Variants in SYNPO2L observed in about 807,000 individuals in gnomAD.
SYNPO2L encodes the protein synaptopodin 2-like protein.
A neutral mutation model predicts 47.5 loss-of-function variants in SYNPO2L; 34 were observed. That is an observed-to-expected ratio of 0.72 (90% CI 0.54 to 0.95). The LOEUF (loss-of-function observed/expected upper bound fraction) is 0.95, where lower values mean the gene tolerates loss of function less well. Ranked by LOEUF, SYNPO2L falls within the 40% of genes least tolerant of loss-of-function variation. The pLI, the probability that SYNPO2L is intolerant of heterozygous loss-of-function variation, is 0.00. For missense variants in SYNPO2L, 1,246 were observed against 1,282.0 expected, an observed-to-expected ratio of 0.97 and a Z score of 0.43; for synonymous variants, 536 against 524.9, an observed-to-expected ratio of 1.02 and a Z score of -0.29.
intron 3 of SYNPO2L, among the ~76,000 whole-genome samples, chr10:73,649,226 G>A (rs973746554): frequency 6.6e-6 from 1 of 152,132 alleles, no homozygotes; most frequent in Non-Finnish European, 1.5e-5. Context: ...GGCAATGGGA[G>A]GGGGAGGAGA....
Position 73,645,275 on chromosome 10 carries a change from C to T in SYNPO2L, c.*1443G>A. On this transcript the variant is annotated 3_prime_UTR_variant, in exon 4 of 4. Transcript: ENST00000394810. The stretch of plus-strand genomic sequence containing the variant: ...TTCCCTTCCATTCTAACATTCTTCT[C>T]CCTCAAATTTTTTTCCAATCCCCCT... The T allele has an allele frequency of 9.2e-7, 1 of 1,087,660 alleles. No individual in the cohort carries two copies. Among genetic ancestry groups the T allele is most frequent in the East Asian group, 1.1e-4 (1 of 9,122 alleles). The allele number at this position is 1,087,660 out of a possible 1,614,324, so 67.4% of individuals were successfully genotyped here.
At chr10:73,654,586 G>C (rs60212594) in intron 1 of SYNPO2L, among the ~76,000 whole-genome samples, 23,604 of 152,182 alleles carry the variant, frequency 0.16, 1,922 homozygotes, top group South Asian at 0.21. Flanking sequence ...GCTCACGCCT[G>C]TAAGCCCAGT....
chr10:73,651,061 C>A, intron 3 of SYNPO2L: 7 of 1,556,602 alleles, frequency 4.5e-6, no homozygotes, highest in Non-Finnish European at 6.1e-6. Flanking sequence ...ACCCCCCACG[C>A]CTTTTAAAGC....
At position 73,647,366 on chromosome 10, in the gene SYNPO2L, A is replaced by G. The variant is rs150532364; in HGVS notation, c.2286T>C (p.Phe762=). Residue 762 remains phenylalanine, a synonymous_variant, in exon 4 of 4, where the codon TTT becomes TTC. Coordinates refer to ENST00000394810, the MANE Select transcript of SYNPO2L (RefSeq NM_001114133.3). ...PRLQGRGGEL[F]AKRQSRADRY... is the part of the protein sequence containing the mutation. ...TGTCCGCACGGCTCTGCCGCTTAGC[A>G]AACAGCTCCCCACCCCTGCCCTGCA... The G allele has an allele frequency of 1.2e-3, 1,903 of 1,614,042 alleles. 49 individuals carry two copies. In the East Asian group the frequency reaches 0.034, roughly 29 times the overall value.
rs2081751576 is a variant in SYNPO2L at position 73,646,560 on chromosome 10, G to A, written c.*158C>T. 7.8e-7 allele frequency: 1 copy of A among 1,289,890 alleles called. No homozygotes were observed. The highest frequency in any genetic ancestry group is 9.8e-7 in the Non-Finnish European group (1 of 1,017,986). 79.9% of individuals were successfully genotyped at this position (1,289,890 alleles called of 1,614,324 possible). A position where few individuals can be genotyped will look rare whatever the true frequency, so the allele number is the denominator to read the frequency against. On this transcript the variant is annotated 3_prime_UTR_variant, in exon 4 of 4. Transcript: ENST00000394810. ...GGAAAGCGGCAGGGAGGTAGAGAGT[G>A]AGGAGGAAGGTGGGGGAAGGGGACA...
intron 3 of SYNPO2L, chr10:73,650,688 C>T (rs1564994013): frequency 2.0e-6 from 2 of 985,266 alleles, no homozygotes; most frequent in Non-Finnish European, 2.4e-6. Flanking sequence ...CGCTCTGTTC[C>T]CATGAGTTTT....
Position 73,647,770 on chromosome 10 carries a change from G to A in SYNPO2L, c.1882C>T (p.Arg628Trp). 1.2e-6 allele frequency: 2 copies of A among 1,613,714 alleles called. No homozygotes were observed. Among genetic ancestry groups the A allele is most frequent in the South Asian group, 1.1e-5 (1 of 91,038 alleles). The change falls in exon 4 of 4, where the codon CGG (arginine) becomes TGG (tryptophan). Residue 628 changes from arginine to tryptophan, a missense_variant. By Grantham distance (101) the Arg-to-Trp change is moderately radical (BLOSUM62 -3). Coordinates refer to ENST00000394810, the MANE Select transcript of SYNPO2L (RefSeq NM_001114133.3). ...ATCTGCTTCCGGGTCCCCCGGCGCC[G>A]GGCCTCCTGCAGGATACCCGTGCGG... ...AARTGILQEA[R>W]RRGTRKQMFR... is the part of the protein sequence containing the mutation.
At position 73,645,753 on chromosome 10, in the gene SYNPO2L, C is replaced by T. The variant is rs140338614; in HGVS notation, c.*965G>A. ...GAGTTATTCTCTAGTGAATCTCTTT[C>T]TCCCACTCAACTCCATGTGGGGATA... On this transcript the variant is annotated 3_prime_UTR_variant, in exon 4 of 4. Transcript: ENST00000394810. 4.5e-3 allele frequency: 4,406 copies of T among 985,876 alleles called. 9 individuals carry two copies. Among genetic ancestry groups the T allele is most frequent in the East Asian group, 0.013 (116 of 8,816 alleles). The allele number at this position is 985,876 out of a possible 1,614,324, so 61.1% of individuals were successfully genotyped here. A position where few individuals can be genotyped will look rare whatever the true frequency, so the allele number is the denominator to read the frequency against.
In SYNPO2L at chr10:73,648,363, G is replaced by C. The variant is rs2081800474; in HGVS notation, c.1289C>G (p.Pro430Arg). Reference protein sequence around the residue: ...QSPPRAQSAPPEAAVLPPSPL... With the variant: ...QSPPRAQSAPREAAVLPPSPL... ...GCTGGGTGGGAGCACAGCTGCCTCT[G>C]GGGGAGCACTCTGGGCCCGAGGTGG... The change falls in exon 4 of 4, where the codon CCA becomes CGA. Residue 430 changes from proline (P) to arginine (R), a missense_variant. By Grantham distance (103) the Pro-to-Arg change is moderately radical (BLOSUM62 -2). Around this residue, in one of 3 missense-constraint regions of SYNPO2L, gnomAD observed 1,037 missense variants for 1,021.5 expected, o/e 1.02. Transcript: ENST00000394810. 1 of 1,605,932 alleles carries C rather than the reference G, an allele frequency of 6.2e-7. No homozygotes were observed. The highest frequency in any genetic ancestry group is 1.7e-5 in the Admixed American group (1 of 59,726).
In SYNPO2L at chr10:73,647,337, T is replaced by C. The variant is rs2081769584; in HGVS notation, c.2315A>G (p.Tyr772Cys). The change falls in exon 4 of 4, where the codon TAT becomes TGT. Residue 772 changes from tyrosine (Y) to cysteine (C), a missense_variant. Transcript: ENST00000394810. ...AGGACCAGGTGTACCTTCCACCACATACCTGTCCGCACGGCTCTGCCGCTT... is the reference window on the plus strand; with the variant it reads ...AGGACCAGGTGTACCTTCCACCACACACCTGTCCGCACGGCTCTGCCGCTT... ...FAKRQSRADR[Y>C]VVEGTPGPGL... 5 of 1,613,938 alleles carry C rather than the reference T, an allele frequency of 3.1e-6. No homozygotes were observed. Among genetic ancestry groups the C allele is most frequent in the African/African-American group, 1.3e-5 (1 of 74,834 alleles).
Position 73,653,444 on chromosome 10 carries a change from C to T in SYNPO2L, c.467G>A (p.Arg156Gln), listed in dbSNP as rs959595567. The T allele has an allele frequency of 1.9e-6, 3 of 1,551,334 alleles. No homozygotes were observed. Among genetic ancestry groups the T allele is most frequent in the African/African-American group, 1.4e-5 (1 of 73,028 alleles). ...DGPATQEKPR[R>Q]PRRRGPTRPT... ...CCTTGTGGGGCCTCGGCGGCGAGGT[C>T]GACGGGGCTTCTCCTGGGTGGCAGG... The change falls in exon 3 of 4, where the codon CGA (arginine) becomes CAA (glutamine). Residue 156 changes from arginine (R) to glutamine (Q), a missense_variant. Arg to Gln is a conservative substitution (Grantham distance 43). Around this residue, in one of 3 missense-constraint regions of SYNPO2L, gnomAD observed 148 missense variants for 204.8 expected, o/e 0.72. Transcript: ENST00000394810.
chr10:73,654,071 C>T, intron 2 of SYNPO2L, 58 bp downstream of exon 2: 1 of 1,533,018 alleles, frequency 6.5e-7, no homozygotes, highest in Non-Finnish European at 8.8e-7. Context: ...AGACATAGAG[C>T]TGAGACAGGC....
Position 73,647,070 on chromosome 10 carries a change from A to T in SYNPO2L, c.2582T>A (p.Met861Lys). ...CGGGGGAACCTCATCAAAACAGAACATGGCAGTTTTAAGTTGATAGGGCTG... is the reference window on the plus strand; with the variant it reads ...CGGGGGAACCTCATCAAAACAGAACTTGGCAGTTTTAAGTTGATAGGGCTG... ...RHQPYQLKTA[M>K]FCFDEVPPTP... is the part of the protein sequence containing the mutation. The change falls in exon 4 of 4, where the codon ATG (methionine) becomes AAG (lysine). Residue 861 changes from methionine to lysine, a missense_variant. Around this residue, in one of 3 missense-constraint regions of SYNPO2L, gnomAD observed 1,037 missense variants for 1,021.5 expected, o/e 1.02. Transcript: ENST00000394810. 4.3e-6 allele frequency: 7 copies of T among 1,613,826 alleles called. No individual in the cohort carries two copies. Among genetic ancestry groups the T allele is most frequent in the Non-Finnish European group, 5.9e-6 (7 of 1,179,956 alleles).
rs1264284349 is a variant in SYNPO2L at position 73,655,946 on chromosome 10, C to T, written c.-24G>A. On this transcript the variant is annotated 5_prime_UTR_variant, in exon 1 of 4. Transcript: ENST00000394810. ...ATCGCTCAGCTTGGCCTATGGCCCC[C>T]GGAGTTTGAACAGTGTCCCCAGGAG... 13 of 1,540,952 alleles carry T rather than the reference C, an allele frequency of 8.4e-6. No homozygotes were observed. The highest frequency in any genetic ancestry group is 1.7e-4 in the Middle Eastern group (1 of 5,934).
rs780246399 is a variant in SYNPO2L at position 73,647,393 on chromosome 10, C to A, written c.2259G>T (p.Arg753Ser). 1 of 1,613,766 alleles carries A rather than the reference C, an allele frequency of 6.2e-7. No homozygotes were observed. The highest frequency in any genetic ancestry group is 1.1e-5 in the South Asian group (1 of 91,068). The change falls in exon 4 of 4, where the codon AGG becomes AGT. Residue 753 changes from arginine (R) to serine (S), a missense_variant. By Grantham distance (110) the Arg-to-Ser change is moderately radical. Around this residue, in one of 3 missense-constraint regions of SYNPO2L, gnomAD observed 1,037 missense variants for 1,021.5 expected, o/e 1.02. Coordinates refer to ENST00000394810, the MANE Select transcript of SYNPO2L (RefSeq NM_001114133.3). ...ACAGCTCCCCACCCCTGCCCTGCAGCCTTGGTGGCTCAGGGATTCCAGCCG... is the reference window on the plus strand; with the variant it reads ...ACAGCTCCCCACCCCTGCCCTGCAGACTTGGTGGCTCAGGGATTCCAGCCG... ...ASSAGIPEPP[R>S]LQGRGGELFA...
At position 73,646,855 on chromosome 10, in the gene SYNPO2L, C is replaced by T. The variant is rs2081757508; in HGVS notation, c.2797G>A (p.Ala933Thr). The stretch of plus-strand genomic sequence containing the variant: ...CCCCTGGGAGCCTCTGGAGGAGGGG[C>T]TGGGCTAGGAACAGGGGCTGAGGCC... ...ELASAPVPSPAPPPEAPRGLG... is the reference protein window; with the variant it reads ...ELASAPVPSPTPPPEAPRGLG... Residue 933 changes from alanine (A) to threonine (T), a missense_variant, in exon 4 of 4, where the codon GCC becomes ACC. Ala to Thr is a moderately conservative substitution (Grantham distance 58). Transcript: ENST00000394810. The T allele has an allele frequency of 6.4e-7, 1 of 1,551,292 alleles. No individual in the cohort carries two copies.
intron 3 of SYNPO2L, chr10:73,651,028 C>T (rs1394015139): frequency 1.2e-6 from 2 of 1,609,140 alleles, no homozygotes; most frequent in Admixed American, 1.7e-5. Flanking sequence ...GCGGTGTTGG[C>T]TGGAGCAGGA....
At chr10:73,654,383 G>C in intron 1 of SYNPO2L, 103 bp from the exon 2 acceptor site, 1 of 1,431,344 alleles carries the variant, frequency 7.0e-7, no homozygotes, top group Non-Finnish European at 9.4e-7. Flanking sequence ...TTACTTTGCA[G>C]GGTAAGAAGG....
rs1214737155 is a variant in SYNPO2L at position 73,653,107 on chromosome 10, C to G, written c.772+32G>C. The G allele has an allele frequency of 1.0e-5, 15 of 1,439,708 alleles. No homozygotes were observed. In the Admixed American group the frequency reaches 3.2e-4, roughly 30 times the overall value. 89.2% of individuals were successfully genotyped at this position (1,439,708 alleles called of 1,614,324 possible). A position where few individuals can be genotyped will look rare whatever the true frequency, so the allele number is the denominator to read the frequency against. On this transcript the variant is annotated intron_variant, in intron 3 of 3. Transcript: ENST00000394810. ...GGATTTAAGGCTCAGATTGAAGGATCCTGGCTGGGGAAAAGGGGTTCAGGC... is the reference window on the plus strand; with the variant it reads ...GGATTTAAGGCTCAGATTGAAGGATGCTGGCTGGGGAAAAGGGGTTCAGGC...
Sources: gnomAD v4.1 joint callset for allele counts (sites outside exome capture counted in the v4.1 genomes callset) on GRCh38, gnomAD v4.1.1 for gene constraint, gnomAD v4.1.1 regional missense constraint, MANE v1.5 for transcripts, NCBI Gene and HGNC (gene_info 2026-07-23, HGNC 2026-07-21) for gene names.